The following DMXL2 variants were observed in gnomAD, a reference collection of about 807,000 sequenced individuals.
The protein encoded by DMXL2 is Dmx like 2.
In DMXL2, 103 loss-of-function variants were observed where a neutral mutation model predicts 331.1. The observed-to-expected ratio is 0.31, with a 90% CI of 0.27 to 0.37. The LOEUF is 0.37. Among genes scored for constraint, DMXL2 ranks in the 10% least tolerant of loss-of-function variants. The pLI is 1.00. For synonymous variants in DMXL2, 1,281 were observed against 1,252.1 expected (o/e 1.02, Z -0.49); for missense variants, 3,171 against 3,642.9 (o/e 0.87, Z 3.33).
intron 41 of DMXL2, 140 bp downstream of exon 41, chr15:51,453,408 ACT>A (rs2039331586): frequency 1.8e-6 from 1 of 540,772 alleles, no homozygotes; most frequent in Non-Finnish European, 3.1e-6. Context: ...AAGAAAAAAC[ACT>A]CTGAAATAAG....
chr15:51,488,094 T>C lies in DMXL2; in HGVS notation c.5077A>G (p.Thr1693Ala), dbSNP rs1302844922. The C allele has an allele frequency of 1.9e-6, 3 of 1,608,482 alleles. No individual in the cohort carries two copies. The highest frequency in any genetic ancestry group is 1.7e-5 in the Admixed American group (1 of 58,962). Residue 1693 changes from threonine to alanine, a missense_variant, in exon 22 of 44, where the codon ACA (threonine) becomes GCA (alanine). Thr to Ala is a moderately conservative substitution (Grantham distance 58, BLOSUM62 0). Transcript: ENST00000560891. ...TCATTAAAGTTGTGGCTGAAAAATG[T>C]TGTCATTTTTTCATCATGCTGTGAC... ...FRSQHDEKMT[T>A]FFSHNFNEDR...
Position 51,450,254 on chromosome 15 carries a change from T to C in DMXL2, c.8842A>G (p.Ile2948Val). ...AGCTGCCTTTGCCTGATGTCAAAAA[T>C]GCAGACGTGTCCTTTCCTACCCCCC... ...ISGGRKGHVC[I>V]FDIRQRQLIH... The change falls in exon 43 of 44, where the codon ATT becomes GTT. Residue 2948 changes from isoleucine to valine, a missense_variant. Ile to Val is a conservative substitution (Grantham distance 29). Around this residue, in one of 7 missense-constraint regions of DMXL2, gnomAD observed 766 missense variants for 940.5 expected, o/e 0.81. Coordinates refer to ENST00000560891, the MANE Select transcript of DMXL2 (RefSeq NM_001378457.1). The C allele has an allele frequency of 1.2e-6, 2 of 1,614,096 alleles. No individual in the cohort carries two copies. Among genetic ancestry groups the C allele is most frequent in the South Asian group, 1.1e-5 (1 of 91,074 alleles).
chr15:51,542,805 T>C (rs1338407470), intron 8 of DMXL2, among the ~76,000 whole-genome samples: 1 of 151,814 alleles, frequency 6.6e-6, no homozygotes, highest in African/African-American at 2.4e-5. Context: ...CAGGATATCC[T>C]AGTACTGAGA....
rs746697374 is a variant in DMXL2, at chr15:51,568,501, G to A, written c.271C>T (p.His91Tyr). The change falls in exon 3 of 44, where the codon CAT (histidine) becomes TAT (tyrosine). Residue 91 changes from histidine to tyrosine, a missense_variant. Coordinates refer to ENST00000560891, the MANE Select transcript of DMXL2 (RefSeq NM_001378457.1). ...TTAATACTTACACAATTTCTTTTAT[G>A]AGAATTTATGCCCAAGGGCTCAAAT... ...CIFEPLGINS[H>Y]KRNCQLKCQW... 2 of 1,566,318 alleles carry A rather than the reference G, an allele frequency of 1.3e-6. No homozygotes were observed. The highest frequency in any genetic ancestry group is 2.1e-5 in the Admixed American group (1 of 46,782).
At chr15:51,466,843 C>T (rs139905237) in intron 29 of DMXL2, among the ~76,000 whole-genome samples, 40 of 151,016 alleles carry the variant, frequency 2.6e-4, no homozygotes, top group Non-Finnish European at 4.7e-4. Context: ...TTCTGAAGTT[C>T]GTAGAGAAGA....
chr15:51,470,688 A>G (rs1435131591), intron 29 of DMXL2, among the ~76,000 whole-genome samples: 3 of 152,240 alleles, frequency 2.0e-5, no homozygotes, highest in South Asian at 2.1e-4. Flanking sequence ...TCAAAAGAGC[A>G]AAGTGCAGAA....
At chr15:51,539,809 TC>T (rs995656243) in intron 9 of DMXL2, among the ~76,000 whole-genome samples, 4 of 151,996 alleles carry the variant, frequency 2.6e-5, no homozygotes, top group Admixed American at 1.3e-4. Flanking sequence ...ATGGTATAAA[TC>T]AAAAACTTAA....
chr15:51,471,429 T>C (rs762515934), intron 28 of DMXL2, 28 bp from the exon 29 acceptor site: 6 of 1,547,604 alleles, frequency 3.9e-6, no homozygotes, highest in Non-Finnish European at 5.3e-6. Flanking sequence ...GAAAAAAAAA[T>C]CTAGCATTCA....
intron 28 of DMXL2, among the ~76,000 whole-genome samples, chr15:51,472,752 T>C (rs1566996049): frequency 6.6e-6 from 1 of 152,240 alleles, no homozygotes; most frequent in Non-Finnish European, 1.5e-5. Flanking sequence ...TACCACACTT[T>C]GTTGATCCTT....
In DMXL2 at chr15:51,480,600, C is replaced by T. The variant is rs767405922; in HGVS notation, c.6506G>A (p.Gly2169Asp). The T allele has an allele frequency of 8.2e-6, 13 of 1,584,714 alleles. No homozygotes were observed. In the South Asian group the frequency reaches 1.4e-4, roughly 17 times the overall value. ...LSYCSLHGAQ[G>D]GGLASVRMEL... ...CATCCTTACTGAAGCCAAACCACCACCTTGGGCCCCATGAAGGCTACAGTA... is the reference window on the plus strand; with the variant it reads ...CATCCTTACTGAAGCCAAACCACCATCTTGGGCCCCATGAAGGCTACAGTA... Residue 2169 changes from glycine (G) to aspartate (D), a missense_variant, in exon 24 of 44, where the codon GGT becomes GAT. Gly to Asp is a moderately conservative substitution (Grantham distance 94). This residue lies in a region of DMXL2 where 197 missense variants were observed against 196.2 expected (regional missense o/e 1.00). Coordinates refer to ENST00000560891, the MANE Select transcript of DMXL2 (RefSeq NM_001378457.1).
intron 13 of DMXL2, among the ~76,000 whole-genome samples, chr15:51,529,532 C>A (rs1031510431): frequency 6.6e-6 from 1 of 152,048 alleles, no homozygotes; most frequent in Admixed American, 6.6e-5. Flanking sequence ...TAGACACATA[C>A]AACCTATCAA....
chr15:51,592,637 G>T (rs2052468925), intron 1 of DMXL2, among the ~76,000 whole-genome samples: 1 of 152,182 alleles, frequency 6.6e-6, no homozygotes, highest in Non-Finnish European at 1.5e-5. Flanking sequence ...AAGTTGAAAT[G>T]AAGGAAAAAA....
chr15:51,451,085 G>A (rs1328318356), intron 42 of DMXL2, among the ~76,000 whole-genome samples: 1 of 152,114 alleles, frequency 6.6e-6, no homozygotes, highest in African/African-American at 2.4e-5. Flanking sequence ...ATATTTAAAT[G>A]GCACTGTTTA....
In DMXL2 at chr15:51,487,034, A is replaced by G. The variant is rs538970057; in HGVS notation, c.5218-697T>C. Among the ~76,000 whole-genome samples, 12 of 152,296 alleles carry G rather than the reference A, an allele frequency of 7.9e-5. No individual in the cohort carries two copies. In the East Asian group the frequency reaches 1.7e-3, roughly 22 times the overall value. On this transcript the variant is annotated intron_variant, in intron 22 of 43. Transcript: ENST00000560891. ...TGAATATTTCCTGTTTTTCTATCAT[A>G]TATTATTCCCAACTGTATTTGTCCT...
At chr15:51,617,890 T>A (rs897118278) in intron 1 of DMXL2, among the ~76,000 whole-genome samples, 3 of 152,114 alleles carry the variant, frequency 2.0e-5, no homozygotes, top group African/African-American at 7.2e-5. Flanking sequence ...TAATTAACAA[T>A]CTACGCAGGG....
intron 3 of DMXL2, among the ~76,000 whole-genome samples, chr15:51,565,755 CT>C (rs994528638): frequency 4.6e-5 from 7 of 152,058 alleles, no homozygotes; most frequent in African/African-American, 1.7e-4. Flanking sequence ...ATAAAATGTC[CT>C]TTTGTGAGAG....
chr15:51,540,618 T>C (rs1032210174), intron 9 of DMXL2, among the ~76,000 whole-genome samples: 1 of 152,108 alleles, frequency 6.6e-6, no homozygotes, highest in Non-Finnish European at 1.5e-5. Flanking sequence ...TCTTTCAACT[T>C]TCTTGTAGTT....
At chr15:51,454,040 A>T in intron 40 of DMXL2, 1 of 172,646 alleles carries the variant, frequency 5.8e-6, no homozygotes, top group Non-Finnish European at 1.2e-5. Flanking sequence ...AGGTATTTTA[A>T]AATATAATGC....
intron 15 of DMXL2, among the ~76,000 whole-genome samples, chr15:51,512,711 G>A (rs2046827585): frequency 6.6e-6 from 1 of 151,994 alleles, no homozygotes; most frequent in South Asian, 2.1e-4. Context: ...AGCTACTCGG[G>A]AGGCTGAGGC....
Sources: allele counts gnomAD v4.1 joint callset (sites outside exome capture counted in the v4.1 genomes callset), GRCh38; gene constraint gnomAD v4.1.1; regional missense constraint gnomAD v4.1.1; transcripts MANE v1.5; gene names NCBI Gene and HGNC (gene_info 2026-07-23, HGNC 2026-07-21).